The following KCNJ6 variants were observed in gnomAD, a reference collection of about 807,000 sequenced individuals.
KCNJ6 encodes the protein G protein-activated inward rectifier potassium channel 2.
A neutral mutation model predicts 34.2 loss-of-function variants in KCNJ6; 9 were observed. That is an observed-to-expected ratio of 0.26 (90% CI 0.16 to 0.46). The LOEUF (loss-of-function observed/expected upper bound fraction) is 0.46, where lower values mean the gene tolerates loss of function less well. KCNJ6 is among the 20% of genes least tolerant of loss of function. The pLI, the probability that KCNJ6 is intolerant of heterozygous loss-of-function variation, is 1.00. For synonymous variants in KCNJ6, 196 were observed against 207.1 expected, an observed-to-expected ratio of 0.95 and a Z score of 0.46; for missense variants, 236 against 531.3, an observed-to-expected ratio of 0.44 and a Z score of 5.46.
At chr21:37,668,927 G>T (rs1327672315) in intron 3 of KCNJ6, among the ~76,000 whole-genome samples, 2 of 152,158 alleles carry the variant, frequency 1.3e-5, no homozygotes, top group African/African-American at 4.8e-5. Context: ...ATTTGCATCT[G>T]TAAGGAATCT....
At chr21:37,892,457 T>G (rs1304140193) in intron 1 of KCNJ6, among the ~76,000 whole-genome samples, 1 of 152,232 alleles carries the variant, frequency 6.6e-6, no homozygotes, top group African/African-American at 2.4e-5. Context: ...CTGGCTATAT[T>G]TCTTGTTTAT....
In KCNJ6 at chr21:37,714,619, T is replaced by G. The variant is rs776790699; in HGVS notation, c.538A>C (p.Ile180Leu). 2.5e-6 allele frequency: 4 copies of G among 1,614,124 alleles called. No individual in the cohort carries two copies. The highest frequency in any genetic ancestry group is 1.7e-6 in the Non-Finnish European group (2 of 1,180,026). ...CATCCCACCATGAATGCATTGACAATGGACCCCAACACAGATTGGATTAAG... is the reference window on the plus strand; with the variant it reads ...CATCCCACCATGAATGCATTGACAAGGGACCCCAACACAGATTGGATTAAG... ...LLLIQSVLGS[I>L]VNAFMVGCMF... The change falls in exon 3 of 4, where the codon ATT becomes CTT. Residue 180 changes from isoleucine to leucine, a missense_variant. By Grantham distance (5) the Ile-to-Leu change is conservative. Around this residue, in one of 5 missense-constraint regions of KCNJ6, gnomAD observed 68 missense variants for 165.7 expected, o/e 0.41. Transcript: ENST00000609713. The surrounding 1 kb of genome is among the most constrained non-coding windows in gnomAD (Gnocchi z 5.9).
At chr21:37,854,700 C>T (rs779758326) in intron 1 of KCNJ6, among the ~76,000 whole-genome samples, 8 of 151,960 alleles carry the variant, frequency 5.3e-5, no homozygotes, top group Non-Finnish European at 8.8e-5. Context: ...CCCAAATACC[C>T]TGACTTGATC....
At chr21:37,711,787 A>G (rs989788778) in intron 3 of KCNJ6, among the ~76,000 whole-genome samples, 9 of 140,226 alleles carry the variant, frequency 6.4e-5, no homozygotes, top group African/African-American at 2.4e-4. Flanking sequence ...CACCTCCAGA[A>G]CTTTCTAGAA....
intron 2 of KCNJ6, among the ~76,000 whole-genome samples, chr21:37,745,100 T>G (rs2054961181): frequency 1.7e-5 from 1 of 58,456 alleles, no homozygotes; most frequent in Non-Finnish European, 3.3e-5. Flanking sequence ...TTTTTTTTTT[T>G]TTTTTTTTTT....
intron 1 of KCNJ6, among the ~76,000 whole-genome samples, chr21:37,852,457 A>G (rs1175210913): frequency 6.6e-6 from 1 of 152,236 alleles, no homozygotes; most frequent in African/African-American, 2.4e-5. Context: ...TATCCCAGCC[A>G]GGATGGTGTT....
Position 37,617,177 on chromosome 21 carries a change from C to A in KCNJ6, c.*7982G>T, listed in dbSNP as rs1054041467. 1 of 96,042 alleles carries A rather than the reference C, an allele frequency of 1.0e-5. No homozygotes were observed. The highest frequency in any genetic ancestry group is 2.1e-5 in the Non-Finnish European group (1 of 48,008). 5.9% of individuals were successfully genotyped at this position (96,042 alleles called of 1,614,324 possible). ...CTTCTTTCTTTATCTTTTTTCCTTC[C>A]TTCCTTCCTTCCTTCCTTCCTTCCT... On this transcript the variant is annotated 3_prime_UTR_variant, in exon 4 of 4. Coordinates refer to ENST00000609713, the MANE Select transcript of KCNJ6 (RefSeq NM_002240.5).
rs2054257170 is a variant in KCNJ6, at chr21:37,614,592, GTGTGTA to G, written c.*10561_*10566del. On this transcript the variant is annotated 3_prime_UTR_variant, in exon 4 of 4. Transcript: ENST00000609713. ...TATGCATGTGTCTCTGTATGCATGT[GTGTGTA>G]TGCATGTCTGTATGCGTGTGTGTAT... 1.2e-5 allele frequency: 1 copy of G among 85,474 alleles called. No individual in the cohort carries two copies. The highest frequency in any genetic ancestry group is 5.2e-5 in the African/African-American group (1 of 19,144). The allele number at this position is 85,474 out of a possible 1,614,324, so 5.3% of individuals were successfully genotyped here.
intron 1 of KCNJ6, among the ~76,000 whole-genome samples, chr21:37,855,669 C>T (rs1008250251): frequency 6.6e-6 from 1 of 152,172 alleles, no homozygotes; most frequent in Non-Finnish European, 1.5e-5. Flanking sequence ...GCCCCTCTCT[C>T]CCCCGGGGAC....
rs777105944 is a variant in KCNJ6, at chr21:37,608,141, C to T, written c.*17018G>A. 1.4e-4 allele frequency: 21 copies of T among 152,156 alleles called. No homozygotes were observed. Among genetic ancestry groups the T allele is most frequent in the Non-Finnish European group, 2.9e-4 (20 of 68,024 alleles). 9.4% of individuals were successfully genotyped at this position (152,156 alleles called of 1,614,324 possible). A position where few individuals can be genotyped will look rare whatever the true frequency, so the allele number is the denominator to read the frequency against. On this transcript the variant is annotated 3_prime_UTR_variant, in exon 4 of 4. Transcript: ENST00000609713. Reference sequence around the variant, plus strand: ...ATGCTATTCGTTTCTTAGTCCTTGTCCTTAGCCTGAAATTCTAAGTCTCTA... The same window carrying T: ...ATGCTATTCGTTTCTTAGTCCTTGTTCTTAGCCTGAAATTCTAAGTCTCTA...
At chr21:37,676,540 C>T (rs2054565664) in intron 3 of KCNJ6, among the ~76,000 whole-genome samples, 1 of 152,224 alleles carries the variant, frequency 6.6e-6, no homozygotes, top group African/African-American at 2.4e-5. Flanking sequence ...GGGCAGCTGG[C>T]ATTGGCCTGG....
chr21:37,639,156 C>T (rs1456147053), intron 3 of KCNJ6, among the ~76,000 whole-genome samples: 6 of 152,204 alleles, frequency 3.9e-5, no homozygotes, highest in African/African-American at 9.7e-5. Flanking sequence ...ATAGAACACT[C>T]ACCAAGCAAA....
chr21:37,773,599 T>C (rs1014971243), intron 2 of KCNJ6, among the ~76,000 whole-genome samples: 1 of 152,122 alleles, frequency 6.6e-6, no homozygotes, highest in African/African-American at 2.4e-5. Flanking sequence ...TGTCGACTTC[T>C]GTTTGTAATT....
intron 1 of KCNJ6, among the ~76,000 whole-genome samples, chr21:37,914,947 G>T (rs2055886296): frequency 6.6e-6 from 1 of 151,188 alleles, no homozygotes; most frequent in Admixed American, 6.6e-5. Context: ...TTTTTTTGGG[G>T]GTTGGAGGCG....
Position 37,714,977 on chromosome 21 carries a change from G to T in KCNJ6, c.180C>A (p.Asp60Glu). 1 of 1,614,206 alleles carries T rather than the reference G, an allele frequency of 6.2e-7. No individual in the cohort carries two copies. Among genetic ancestry groups the T allele is most frequent in the Non-Finnish European group, 8.5e-7 (1 of 1,180,048 alleles). The change falls in exon 3 of 4, where the codon GAC becomes GAA. Residue 60 changes from aspartate (D) to glutamate (E), a missense_variant. Physicochemically the swap from Asp to Glu is conservative, Grantham distance 45. Around this residue, in one of 5 missense-constraint regions of KCNJ6, gnomAD observed 68 missense variants for 165.7 expected, o/e 0.41. Transcript: ENST00000609713. The surrounding 1 kb of genome is among the most constrained non-coding windows in gnomAD (Gnocchi z 5.9). ...KRKIQRYVRK[D>E]GKCNVHHGNV... is the part of the protein sequence containing the mutation. ...TGCCGTGATGAACATTGCACTTTCC[G>T]TCTTTCCTCACGTACCTCTGGATTT... is the stretch of plus-strand genomic sequence containing the variant.
chr21:37,689,538 G>A (rs2054630347), intron 3 of KCNJ6, among the ~76,000 whole-genome samples: 1 of 152,028 alleles, frequency 6.6e-6, no homozygotes, highest in Non-Finnish European at 1.5e-5. Context: ...TGACTTATCT[G>A]TCCATCTATC....
chr21:37,856,068 C>T (rs1038224230), intron 1 of KCNJ6, among the ~76,000 whole-genome samples: 1 of 152,116 alleles, frequency 6.6e-6, no homozygotes, highest in African/African-American at 2.4e-5. Context: ...GGTGCTAGGG[C>T]AGATGGTGCT....
At chr21:37,723,019 A>G (rs1201123493) in intron 2 of KCNJ6, among the ~76,000 whole-genome samples, 1 of 152,236 alleles carries the variant, frequency 6.6e-6, no homozygotes, top group Non-Finnish European at 1.5e-5. Context: ...ATGGGAGATA[A>G]TATTGGCAAA....
intron 3 of KCNJ6, among the ~76,000 whole-genome samples, chr21:37,635,979 T>C (rs902324723): frequency 6.6e-6 from 1 of 152,268 alleles, no homozygotes; most frequent in African/African-American, 2.4e-5. Context: ...TCTTGTTCAG[T>C]GTTTTCAGAA....
Sources: allele counts gnomAD v4.1 joint callset (sites outside exome capture counted in the v4.1 genomes callset), GRCh38; gene constraint gnomAD v4.1.1; regional missense constraint gnomAD v4.1.1; non-coding constraint Gnocchi (gnomAD v3.1); transcripts MANE v1.5; gene names NCBI Gene and HGNC (gene_info 2026-07-23, HGNC 2026-07-21).